The following NAALADL2 variants were observed in gnomAD, a reference collection of about 807,000 sequenced individuals.
NAALADL2 encodes the protein N-acetylated alpha-linked acidic dipeptidase like 2.
NAALADL2 carries 76 observed loss-of-function variants against 87.2 expected under a neutral mutation model. That is an observed-to-expected ratio of 0.87 (90% CI 0.72 to 1.05). The LOEUF (loss-of-function observed/expected upper bound fraction) is 1.05. Ranked by LOEUF, NAALADL2 falls within the 50% of genes least tolerant of loss-of-function variation. The pLI, the probability that NAALADL2 is intolerant of heterozygous loss-of-function variation, is 0.00. For synonymous variants in NAALADL2, 354 were observed against 331.0 expected (o/e 1.07, Z -0.75); for missense variants, 1,089 against 945.8 (o/e 1.15, Z -1.99).
At chr3:175,626,614 G>T (rs144553045) in intron 10 of NAALADL2, among the ~76,000 whole-genome samples, 179 of 151,850 alleles carry the variant, frequency 1.2e-3, no homozygotes, top group Non-Finnish European at 1.9e-3. Context: ...TAATCTTATT[G>T]TATTTCCTTG....
chr3:174,637,518 AC>A (rs138885731), intron 2 of NAALADL2, among the ~76,000 whole-genome samples: 2,349 of 152,184 alleles, frequency 0.015, 32 homozygotes, highest in Non-Finnish European at 0.024. Context: ...AAAAAATAAA[AC>A]AGCAATAAAA....
At chr3:175,253,327 A>G (rs563978587) in intron 3 of NAALADL2, among the ~76,000 whole-genome samples, 3 of 152,312 alleles carry the variant, frequency 2.0e-5, no homozygotes, top group South Asian at 4.1e-4. Flanking sequence ...TAGAAATGGA[A>G]CAACAAAGAC....
chr3:174,661,061 T>C (rs4564989), intron 2 of NAALADL2, among the ~76,000 whole-genome samples: 126,745 of 152,100 alleles, frequency 0.83, 53,264 homozygotes, highest in African/African-American at 0.94. Context: ...GCCTTACTCT[T>C]GATTAAAATG....
At chr3:174,598,980 G>A (rs1490744900) in intron 2 of NAALADL2, among the ~76,000 whole-genome samples, 2 of 152,146 alleles carry the variant, frequency 1.3e-5, no homozygotes, top group Non-Finnish European at 2.9e-5. Flanking sequence ...ACAGCTCCAT[G>A]TAACATTTTA....
intron 2 of NAALADL2, among the ~76,000 whole-genome samples, chr3:175,131,520 GAA>G (rs915505465): frequency 2.0e-5 from 3 of 152,130 alleles, no homozygotes; most frequent in Non-Finnish European, 4.4e-5. Context: ...AGAGCAAAAT[GAA>G]AAGTCTCCCA....
intron 4 of NAALADL2, among the ~76,000 whole-genome samples, chr3:175,317,310 G>T (rs571358587): frequency 1.3e-5 from 2 of 151,386 alleles, no homozygotes; most frequent in Admixed American, 6.6e-5. Flanking sequence ...AGGAGTTCTT[G>T]AGGATATTTT....
At chr3:175,306,823 A>G (rs1757784045) in intron 4 of NAALADL2, among the ~76,000 whole-genome samples, 1 of 152,062 alleles carries the variant, frequency 6.6e-6, no homozygotes, top group Non-Finnish European at 1.5e-5. Context: ...TCCAACCTGG[A>G]AGTCCAGAAC....
intron 2 of NAALADL2, among the ~76,000 whole-genome samples, chr3:174,642,393 C>G (rs1226808798): frequency 6.6e-6 from 1 of 151,354 alleles, no homozygotes; most frequent in Non-Finnish European, 1.5e-5. Context: ...CCCAGCTACT[C>G]GCGAGGCTGA....
At chr3:175,679,761 A>G (rs1735335812) in intron 11 of NAALADL2, among the ~76,000 whole-genome samples, 1 of 152,222 alleles carries the variant, frequency 6.6e-6, no homozygotes, top group African/African-American at 2.4e-5. Context: ...AAGTGAAAGA[A>G]GGCTATATTT....
At chr3:175,037,216 C>T (rs774297955) in intron 1 of NAALADL2, among the ~76,000 whole-genome samples, 2 of 152,130 alleles carry the variant, frequency 1.3e-5, no homozygotes, top group Admixed American at 6.6e-5. Flanking sequence ...TCCAGGACAA[C>T]ATTGACATGA....
At chr3:175,793,929 A>G (rs1753138928) in intron 13 of NAALADL2, among the ~76,000 whole-genome samples, 1 of 152,202 alleles carries the variant, frequency 6.6e-6, no homozygotes. Flanking sequence ...ATGCAGCTTA[A>G]ATGGCAAACT....
intron 2 of NAALADL2, among the ~76,000 whole-genome samples, chr3:174,703,726 C>T (rs918668758): frequency 6.6e-6 from 1 of 152,132 alleles, no homozygotes; most frequent in African/African-American, 2.4e-5. Flanking sequence ...AGGTACAGTG[C>T]TTAGCATAGA....
intron 2 of NAALADL2, among the ~76,000 whole-genome samples, chr3:174,720,392 T>C (rs1407958782): frequency 2.6e-5 from 4 of 152,136 alleles, no homozygotes; most frequent in Non-Finnish European, 5.9e-5. Flanking sequence ...TGCATAATGA[T>C]AGGTAATCTA....
intron 1 of NAALADL2, among the ~76,000 whole-genome samples, chr3:175,014,094 T>C (rs1750510852): frequency 6.6e-6 from 1 of 152,138 alleles, no homozygotes; most frequent in South Asian, 2.1e-4. Flanking sequence ...CTGTACATGA[T>C]TACAAACACA....
At chr3:174,809,542 G>A (rs1719916866) in intron 3 of NAALADL2, among the ~76,000 whole-genome samples, 1 of 151,988 alleles carries the variant, frequency 6.6e-6, no homozygotes, top group Admixed American at 6.6e-5. Context: ...AGAATTTGGG[G>A]GCAAGCCTTT....
chr3:174,499,425 G>A (rs1718748002), intron 1 of NAALADL2, among the ~76,000 whole-genome samples: 2 of 151,936 alleles, frequency 1.3e-5, no homozygotes, highest in Non-Finnish European at 2.9e-5. Flanking sequence ...ATTTAATTTT[G>A]ATGCAATTCA....
At chr3:175,413,050 G>C (rs780710887) in intron 5 of NAALADL2, among the ~76,000 whole-genome samples, 2 of 149,110 alleles carry the variant, frequency 1.3e-5, no homozygotes, top group Non-Finnish European at 3.0e-5. Context: ...TCCCACGCCC[G>C]GTTAATTTTT....
chr3:174,542,062 A>T (rs1239734182), intron 1 of NAALADL2, among the ~76,000 whole-genome samples: 1 of 152,202 alleles, frequency 6.6e-6, no homozygotes, highest in Non-Finnish European at 1.5e-5. Flanking sequence ...GGGATGGGTT[A>T]TTCAGAATTC....
intron 5 of NAALADL2, among the ~76,000 whole-genome samples, chr3:175,392,709 C>T (rs1769228128): frequency 6.6e-6 from 1 of 152,156 alleles, no homozygotes; most frequent in Non-Finnish European, 1.5e-5. Flanking sequence ...GCTAGCACAA[C>T]TTTGGAATGA....
Sources: allele counts gnomAD v4.1 joint callset (sites outside exome capture counted in the v4.1 genomes callset), GRCh38; gene constraint gnomAD v4.1.1; transcripts MANE v1.5; gene names NCBI Gene and HGNC (gene_info 2026-07-23, HGNC 2026-07-21).